The following VPS53 variants were observed in gnomAD, a reference collection of about 807,000 sequenced individuals.
VPS53 encodes the protein vacuolar protein sorting-associated protein 53 homolog.
In VPS53, 70 loss-of-function variants were observed where a neutral mutation model predicts 107.0. The ratio of observed to expected loss-of-function variants is 0.65; its 90% CI spans 0.54 to 0.80. The LOEUF is 0.80. VPS53 is among the 30% of genes least tolerant of loss of function. The pLI is 0.00. For missense variants in VPS53, 917 were observed against 1,049.4 expected, an observed-to-expected ratio of 0.87 and a Z score of 1.74; for synonymous variants, 409 against 393.3, an observed-to-expected ratio of 1.04 and a Z score of -0.47.
At chr17:710,692 G>C in intron 1 of VPS53, 79 bp from the exon 2 acceptor site, 1 of 1,158,920 alleles carries the variant, frequency 8.6e-7, no homozygotes, top group Non-Finnish European at 1.2e-6. Context: ...TCAATTAAAA[G>C]GAAAGGGCCG....
chr17:554,031 A>T (rs1025178491), intron 15 of VPS53, among the ~76,000 whole-genome samples: 1 of 152,186 alleles, frequency 6.6e-6, no homozygotes, highest in Non-Finnish European at 1.5e-5. Flanking sequence ...GTTTCTTACC[A>T]CACATCAATA....
At chr17:596,044 G>A (rs1467533111) in intron 12 of VPS53, among the ~76,000 whole-genome samples, 1 of 151,862 alleles carries the variant, frequency 6.6e-6, no homozygotes, top group African/African-American at 2.4e-5. Context: ...TATGTTAGCT[G>A]TCCCCTGGAG....
chr17:604,045 T>C (rs1164328194), intron 11 of VPS53, among the ~76,000 whole-genome samples: 1 of 152,232 alleles, frequency 6.6e-6, no homozygotes, highest in Non-Finnish European at 1.5e-5. Flanking sequence ...TTGATCAAAA[T>C]CATTCAGTGA....
chr17:544,723 T>A (rs1310928677), intron 17 of VPS53, among the ~76,000 whole-genome samples: 1 of 152,238 alleles, frequency 6.6e-6, no homozygotes, highest in East Asian at 1.9e-4. Context: ...TGGGTTCCAA[T>A]TCCTGGTAAG....
At position 701,656 on chromosome 17, in the gene VPS53, A is replaced by G. The variant is rs953293325; in HGVS notation, c.169-2276T>C. Among the ~76,000 whole-genome samples, 64 of 152,208 alleles carry G rather than the reference A, an allele frequency of 4.2e-4. 1 individual carries two copies. Among genetic ancestry groups the G allele is most frequent in the East Asian group, 3.5e-3 (18 of 5,166 alleles). On this transcript the variant is annotated intron_variant, in intron 2 of 21. Transcript: ENST00000437048. Reference sequence around the variant, plus strand: ...CTCCCAAAGTGCTAGGATTACAGGTATGAGCCACCGCGCCTGGCCAAGAGG... The same window carrying G: ...CTCCCAAAGTGCTAGGATTACAGGTGTGAGCCACCGCGCCTGGCCAAGAGG...
Position 519,399 on chromosome 17 carries a change from G to GTA in VPS53, c.2329-102_2329-101insTA. The GTA allele has an allele frequency of 8.2e-7, 1 of 1,216,484 alleles. No homozygotes were observed. The highest frequency in any genetic ancestry group is 1.1e-6 in the Non-Finnish European group (1 of 909,988). The allele number at this position is 1,216,484 out of a possible 1,614,324, so 75.4% of individuals were successfully genotyped here. On this transcript the variant is annotated intron_variant, in intron 21 of 21. Coordinates refer to ENST00000437048, the MANE Select transcript of VPS53 (RefSeq NM_001128159.3). The surrounding 1 kb of genome is among the most constrained non-coding windows in gnomAD (Gnocchi z 5.0). ...ATATGGGGTCAGCAGAGGCTCTGGA[G>GTA]ACAGCATAGTTACTCCAGGCTGAGG...
chr17:632,184 G>A (rs1969994104), intron 7 of VPS53, among the ~76,000 whole-genome samples: 1 of 152,114 alleles, frequency 6.6e-6, no homozygotes, highest in Non-Finnish European at 1.5e-5. Context: ...GACTTTTGAA[G>A]ATACACTGAG....
At chr17:699,914 A>C (rs1020134846) in intron 2 of VPS53, among the ~76,000 whole-genome samples, 11 of 152,236 alleles carry the variant, frequency 7.2e-5, no homozygotes, top group African/African-American at 2.4e-4. Context: ...AGAAGCTAGG[A>C]CAGTGGTTAT....
rs76302289 is a variant in VPS53 at position 691,633 on chromosome 17, C to T, written c.285+5785G>A. On this transcript the variant is annotated intron_variant, in intron 4 of 21. Coordinates refer to ENST00000437048, the MANE Select transcript of VPS53 (RefSeq NM_001128159.3). Reference sequence around the variant, plus strand: ...GACAATTAGTAAATTTTAAATTATGCGCCATTCTGAGTAGTGTGATAAAAT... The same window carrying T: ...GACAATTAGTAAATTTTAAATTATGTGCCATTCTGAGTAGTGTGATAAAAT... Among the ~76,000 whole-genome samples, 924 of 152,260 alleles carry T rather than the reference C, an allele frequency of 6.1e-3. 5 individuals are homozygous for T. The highest frequency in any genetic ancestry group is 0.02 in the African/African-American group (825 of 41,546).
intron 4 of VPS53, among the ~76,000 whole-genome samples, chr17:690,884 A>T (rs1255043421): frequency 6.6e-6 from 1 of 152,200 alleles, no homozygotes; most frequent in Non-Finnish European, 1.5e-5. Context: ...AAAATCAATA[A>T]GTTTTCCTCC....
intron 5 of VPS53, among the ~76,000 whole-genome samples, chr17:659,039 A>T (rs1971335923): frequency 1.2e-5 from 1 of 86,502 alleles, no homozygotes; most frequent in East Asian, 2.9e-4. Flanking sequence ...CAATGAATTA[A>T]AAAAAAAAAA....
At chr17:600,930 T>A (rs529657408) in intron 12 of VPS53, 1 of 152,386 alleles carries the variant, frequency 6.6e-6, no homozygotes, top group East Asian at 1.9e-4. Flanking sequence ...TTTGATTGCA[T>A]CATTTCAGAA....
chr17:621,707 C>T (rs995651779), intron 11 of VPS53, among the ~76,000 whole-genome samples: 10 of 152,028 alleles, frequency 6.6e-5, no homozygotes, highest in South Asian at 2.1e-4. Flanking sequence ...ACGGGTTACT[C>T]GTATTTTCCT....
At chr17:676,535 GCA>G (rs1972166844) in intron 4 of VPS53, 1 of 152,228 alleles carries the variant, frequency 6.6e-6, no homozygotes, top group Admixed American at 6.5e-5. Context: ...CTCTTGAGAC[GCA>G]GAGTCTAGTT....
Position 516,283 on chromosome 17 carries a change from T to G in VPS53, c.*2845A>C, listed in dbSNP as rs1908305057. On this transcript the variant is annotated 3_prime_UTR_variant, in exon 22 of 22. Transcript: ENST00000437048. ...TCTGTTGCAGTGGTTCTTAACAAGG[T>G]GTAAACGTTATAACTACCTATGGAA... 6.6e-6 allele frequency: 1 copy of G among 152,114 alleles called. No homozygotes were observed. The highest frequency in any genetic ancestry group is 2.1e-4 in the South Asian group (1 of 4,832). The allele number at this position is 152,114 out of a possible 1,614,324, so 9.4% of individuals were successfully genotyped here. A position where few individuals can be genotyped will look rare whatever the true frequency, so the allele number is the denominator to read the frequency against.
intron 4 of VPS53, among the ~76,000 whole-genome samples, chr17:678,652 T>TATA (rs1201608490): frequency 6.7e-6 from 1 of 149,160 alleles, no homozygotes; most frequent in Non-Finnish European, 1.5e-5. Context: ...ATATATATAT[T>TATA]TTTTTGAGAC....
intron 3 of VPS53, among the ~76,000 whole-genome samples, chr17:697,858 G>C (rs542596219): frequency 6.6e-6 from 1 of 152,086 alleles, no homozygotes; most frequent in Non-Finnish European, 1.5e-5. Context: ...TCCCTTTCTC[G>C]GTCCCCTTAT....
intron 17 of VPS53, among the ~76,000 whole-genome samples, chr17:541,990 C>CTT (rs1195899184): frequency 6.9e-6 from 1 of 145,548 alleles, no homozygotes; most frequent in Non-Finnish European, 1.5e-5. Context: ...ACCTACCATG[C>CTT]ACCAGGGGCT....
At position 646,688 on chromosome 17, in the gene VPS53, C is replaced by T. The variant is rs931578320; in HGVS notation, c.608+6603G>A. Among the ~76,000 whole-genome samples, 9 of 139,828 alleles carry T rather than the reference C, an allele frequency of 6.4e-5. No individual in the cohort carries two copies. In the East Asian group the frequency reaches 6.5e-4, roughly 10 times the overall value. The allele number at this position is 139,828 out of a possible 152,430, so 91.7% of individuals were successfully genotyped here. ...GTCTTATCTTTTCTAATCCATATCA[C>T]GGACTGGAGACTGGCTCCCACACAC... On this transcript the variant is annotated intron_variant, in intron 7 of 21. Transcript: ENST00000437048.
Sources: allele counts gnomAD v4.1 joint callset (sites outside exome capture counted in the v4.1 genomes callset), GRCh38; gene constraint gnomAD v4.1.1; non-coding constraint Gnocchi (gnomAD v3.1); transcripts MANE v1.5; gene names NCBI Gene and HGNC (gene_info 2026-07-23, HGNC 2026-07-21).